Variants in TEX26 observed in about 807,000 individuals in gnomAD.
TEX26 encodes the protein testis expressed 26, also known as testis-expressed protein 26.
TEX26 carries 34 observed loss-of-function variants against 35.3 expected under a neutral mutation model. That is an observed-to-expected ratio of 0.96 (90% CI 0.73 to 1.28). TEX26 has a LOEUF of 1.28. Ranked by LOEUF, TEX26 falls within the 50% of genes most tolerant of loss-of-function variation. TEX26 has a pLI of 0.00. For missense variants in TEX26, 371 were observed against 330.1 expected, an observed-to-expected ratio of 1.12 and a Z score of -0.96; for synonymous variants, 136 against 111.8, an observed-to-expected ratio of 1.22 and a Z score of -1.36.
rs780981639 is a variant in TEX26 at position 30,932,758 on chromosome 13, C to A, written c.43C>A (p.His15Asn). The A allele has an allele frequency of 1.2e-5, 19 of 1,613,836 alleles. No individual in the cohort carries two copies. In the East Asian group the frequency reaches 4.2e-4, roughly 36 times the overall value. The change falls in exon 1 of 7, where the codon CAC becomes AAC. Residue 15 changes from histidine (H) to asparagine (N), a missense_variant. Coordinates refer to ENST00000380473, the MANE Select transcript of TEX26 (RefSeq NM_152325.3). ...CAGGGCTCCGGATCCCTCTCTCTGCCACCACAACCTCCAGCCAAGTAAGAC... is the reference window on the plus strand; with the variant it reads ...CAGGGCTCCGGATCCCTCTCTCTGCAACCACAACCTCCAGCCAAGTAAGAC... ...GPRAPDPSLC[H>N]HNLQPTDDPN...
chr13:30,974,824 T>G, intron 6 of TEX26, 22 bp from the exon 7 acceptor site: 1 of 1,545,378 alleles, frequency 6.5e-7, no homozygotes, highest in Non-Finnish European at 8.7e-7. Flanking sequence ...ATTTTCATCC[T>G]GTTTTTCTTC....
In TEX26 at chr13:30,968,926, A is replaced by T; in HGVS notation, c.688A>T (p.Thr230Ser). Residue 230 changes from threonine (T) to serine (S), a missense_variant, in exon 6 of 7, where the codon ACA (threonine) becomes TCA (serine). Physicochemically the swap from Thr to Ser is moderately conservative, Grantham distance 58. Transcript: ENST00000380473. ...CAGCTACCTGAGGAACCAAGAGCACACAAAGAAACAGACCACATACCAAAG... is the reference window on the plus strand; with the variant it reads ...CAGCTACCTGAGGAACCAAGAGCACTCAAAGAAACAGACCACATACCAAAG... ...LHSYLRNQEH[T>S]KKQTTYQSDY... 1 of 1,614,130 alleles carries T rather than the reference A, an allele frequency of 6.2e-7. No individual in the cohort carries two copies. Among genetic ancestry groups the T allele is most frequent in the Non-Finnish European group, 8.5e-7 (1 of 1,179,994 alleles).
intron 2 of TEX26, among the ~76,000 whole-genome samples, chr13:30,950,097 T>C (rs552329754): frequency 1.3e-5 from 2 of 152,346 alleles, no homozygotes; most frequent in South Asian, 4.1e-4. Context: ...CCAGTGAATC[T>C]TTAAAAATTT....
At chr13:30,947,537 T>C (rs987806540) in intron 2 of TEX26, among the ~76,000 whole-genome samples, 1 of 152,162 alleles carries the variant, frequency 6.6e-6, no homozygotes, top group African/African-American at 2.4e-5. Flanking sequence ...TATTGAAAGC[T>C]ATTAATAAGA....
At chr13:30,959,841 C>G (rs1391319832) in intron 4 of TEX26, among the ~76,000 whole-genome samples, 2 of 152,128 alleles carry the variant, frequency 1.3e-5, no homozygotes, top group Non-Finnish European at 2.9e-5. Context: ...TGACAAAAGA[C>G]TGTCACTAAT....
chr13:30,934,356 G>A (rs1026519416), intron 1 of TEX26, among the ~76,000 whole-genome samples: 18 of 152,304 alleles, frequency 1.2e-4, no homozygotes, highest in African/African-American at 3.6e-4. Flanking sequence ...GGTTTGGTCC[G>A]AAATAGGATG....
At chr13:30,961,256 G>A (rs951236668) in intron 4 of TEX26, among the ~76,000 whole-genome samples, 1 of 152,146 alleles carries the variant, frequency 6.6e-6, no homozygotes, top group Non-Finnish European at 1.5e-5. Context: ...GTTTTGCAGA[G>A]AATAAACTTC....
intron 2 of TEX26, among the ~76,000 whole-genome samples, chr13:30,940,264 G>A (rs1222950546): frequency 3.5e-5 from 5 of 144,564 alleles, no homozygotes; most frequent in African/African-American, 1.3e-4. Context: ...ATTGGCTTCA[G>A]CTTCTCCTCC....
At chr13:30,939,878 T>G (rs534750013) in intron 2 of TEX26, 100 bp downstream of exon 2, 1 of 1,084,048 alleles carries the variant, frequency 9.2e-7, no homozygotes, top group East Asian at 2.6e-5. Flanking sequence ...TTAGAGAAGC[T>G]TCGTAAAAAT....
rs756649171 is a variant in TEX26, at chr13:30,966,412, CA to C, written c.646+15del. 1 of 1,512,672 alleles carries C rather than the reference CA, an allele frequency of 6.6e-7. No individual in the cohort carries two copies. Among genetic ancestry groups the C allele is most frequent in the Non-Finnish European group, 8.9e-7 (1 of 1,123,818 alleles). The allele number at this position is 1,512,672 out of a possible 1,614,324, so 93.7% of individuals were successfully genotyped here. A position where few individuals can be genotyped will look rare whatever the true frequency, so the allele number is the denominator to read the frequency against. On this transcript the variant is annotated intron_variant, in intron 5 of 6. Coordinates refer to ENST00000380473, the MANE Select transcript of TEX26 (RefSeq NM_152325.3). ...CTCAGGGTCTAGGTGAGTACAGCTG[CA>C]GTTTCTTTTTCTTTTTCTCTTTTTT...
chr13:30,951,061 G>A (rs142306043), intron 2 of TEX26, among the ~76,000 whole-genome samples: 3 of 152,226 alleles, frequency 2.0e-5, no homozygotes, highest in Non-Finnish European at 4.4e-5. Flanking sequence ...GGTGGTCCAC[G>A]GCTGTAATCC....
intron 2 of TEX26, among the ~76,000 whole-genome samples, chr13:30,941,654 C>T (rs1033445890): frequency 2.6e-5 from 4 of 152,276 alleles, no homozygotes; most frequent in African/African-American, 9.6e-5. Context: ...CCACCTCCCT[C>T]TCTGCTTCTG....
intron 6 of TEX26, among the ~76,000 whole-genome samples, chr13:30,974,131 A>ATATATATATATATATATATAT (rs1555271792): frequency 3.6e-5 from 3 of 84,418 alleles, no homozygotes; most frequent in African/African-American, 1.4e-4. Context: ...AAAAAAAAAA[A>ATATATATATATATATATATAT]ATATATATAT....
At chr13:30,959,765 G>A (rs1593588545) in intron 4 of TEX26, among the ~76,000 whole-genome samples, 1 of 152,142 alleles carries the variant, frequency 6.6e-6, no homozygotes, top group South Asian at 2.1e-4. Flanking sequence ...TATTAAAGGA[G>A]TAATGCAGGA....
At chr13:30,939,522 C>T (rs781770730) in intron 1 of TEX26, among the ~76,000 whole-genome samples, 172 bp from the exon 2 acceptor site, 3 of 152,142 alleles carry the variant, frequency 2.0e-5, no homozygotes, top group South Asian at 4.1e-4. Flanking sequence ...ACAGATAAGT[C>T]GAACTTCCTC....
Position 30,932,753 on chromosome 13 carries a change from T to C in TEX26, c.38T>C (p.Leu13Pro), listed in dbSNP as rs751530681. The stretch of plus-strand genomic sequence containing the variant: ...GGGCCCAGGGCTCCGGATCCCTCTC[T>C]CTGCCACCACAACCTCCAGCCAAGT... ...QPGPRAPDPSLCHHNLQPTDD... is the reference protein window; with the variant it reads ...QPGPRAPDPSPCHHNLQPTDD... The change falls in exon 1 of 7, where the codon CTC (leucine) becomes CCC (proline). Residue 13 changes from leucine (L) to proline (P), a missense_variant. By Grantham distance (98) the Leu-to-Pro change is moderately conservative. Transcript: ENST00000380473. The C allele has an allele frequency of 4.3e-6, 7 of 1,613,904 alleles. No individual in the cohort carries two copies.
intron 1 of TEX26, among the ~76,000 whole-genome samples, chr13:30,934,845 G>A (rs1043935906): frequency 2.6e-5 from 4 of 152,220 alleles, no homozygotes; most frequent in Admixed American, 6.5e-5. Context: ...CCCAAACTGC[G>A]GCTGTGGGTC....
At chr13:30,959,697 CA>C (rs1294279678) in intron 4 of TEX26, among the ~76,000 whole-genome samples, 1 of 151,922 alleles carries the variant, frequency 6.6e-6, no homozygotes, top group Non-Finnish European at 1.5e-5. Flanking sequence ...GTACACTTAC[CA>C]AAATTTTTTC....
chr13:30,943,106 T>C (rs1953574483), intron 2 of TEX26, among the ~76,000 whole-genome samples: 1 of 152,172 alleles, frequency 6.6e-6, no homozygotes, highest in African/African-American at 2.4e-5. Flanking sequence ...TGATATTGAT[T>C]CTTCTGATCC....
Sources: allele counts gnomAD v4.1 joint callset (sites outside exome capture counted in the v4.1 genomes callset), GRCh38; gene constraint gnomAD v4.1.1; transcripts MANE v1.5; gene names NCBI Gene and HGNC (gene_info 2026-07-23, HGNC 2026-07-21).